GRIP2: variants seen among roughly 807,000 people sequenced by gnomAD.
GRIP2 encodes glutamate receptor interacting protein 2.
In GRIP2, 58 loss-of-function variants were observed where a neutral mutation model predicts 108.3. The observed-to-expected ratio is 0.54, with a 90% confidence interval of 0.43 to 0.67. The LOEUF (loss-of-function observed/expected upper bound fraction) is 0.67. Ranked by LOEUF, GRIP2 falls within the 30% of genes least tolerant of loss-of-function variation. The pLI is 0.00. For synonymous variants in GRIP2, 586 were observed against 598.2 expected, an observed-to-expected ratio of 0.98 and a Z score of 0.30; for missense variants, 1,278 against 1,430.6, an observed-to-expected ratio of 0.89 and a Z score of 1.72.
At chr3:14,602,907 C>G in the GRIP2 span, among the ~76,000 whole-genome samples, 2 of 150,588 alleles carry the variant, frequency 1.3e-5, no homozygotes, top group Non-Finnish European at 3.0e-5. The surrounding 1 kb of genome is among the most constrained non-coding windows in gnomAD (Gnocchi z 4.7). Context: ...GCTCACCGGC[C>G]GGGCAGCGGC....
At chr3:14,496,347 G>A in intron 22 of GRIP2, 70 bp downstream of exon 22, 1 of 1,367,546 alleles carries the variant, frequency 7.3e-7, no homozygotes, top group Admixed American at 2.4e-5. Context: ...GGCCCCTCTG[G>A]AGTCCCACGA....
At chr3:14,550,218 T>C (rs188791504) in intron 1 of GRIP2, among the ~76,000 whole-genome samples, 2 of 152,140 alleles carry the variant, frequency 1.3e-5, no homozygotes, top group Admixed American at 6.5e-5. Flanking sequence ...CAGCACCAAG[T>C]AGCAGAGCCA....
intron 21 of GRIP2, among the ~76,000 whole-genome samples, chr3:14,499,903 A>G (rs1044043365): frequency 2.6e-5 from 4 of 152,348 alleles, no homozygotes; most frequent in Admixed American, 6.5e-5. Flanking sequence ...TCGCAAACAA[A>G]AATCTCATAA....
intron 1 of GRIP2, among the ~76,000 whole-genome samples, chr3:14,535,322 T>G (rs546673058): frequency 3.3e-5 from 5 of 152,242 alleles, no homozygotes; most frequent in African/African-American, 9.6e-5. Flanking sequence ...ACAAGTCACT[T>G]CTCTCTGAGC....
chr3:14,571,809 G>T, the GRIP2 span, among the ~76,000 whole-genome samples: 1 of 152,128 alleles, frequency 6.6e-6, no homozygotes, highest in African/African-American at 2.4e-5. Flanking sequence ...AAGCTCACCA[G>T]GTGGTGTTGA....
At chr3:14,508,889 A>C (rs975563845) in intron 17 of GRIP2, among the ~76,000 whole-genome samples, 1 of 152,154 alleles carries the variant, frequency 6.6e-6, no homozygotes, top group Non-Finnish European at 1.5e-5. Context: ...TTGTGGCTCA[A>C]ATTATATTTC....
chr3:14,516,823 A>G (rs1183875225), intron 11 of GRIP2, among the ~76,000 whole-genome samples: 1 of 152,200 alleles, frequency 6.6e-6, no homozygotes, highest in Non-Finnish European at 1.5e-5. Context: ...TTTCATAATA[A>G]AAATACAAGA....
chr3:14,533,729 C>T lies in GRIP2; in HGVS notation c.40+6540G>A, dbSNP rs529199513. Reference sequence around the variant, plus strand: ...TTCAGATTTTGCTCCAGTGCACTACCGGGTGCTAAAGTGGGTTACAGTGAC... The same window carrying T: ...TTCAGATTTTGCTCCAGTGCACTACTGGGTGCTAAAGTGGGTTACAGTGAC... On this transcript the variant is annotated intron_variant, in intron 1 of 23. Transcript: ENST00000621039. Among the ~76,000 whole-genome samples the T allele has an allele frequency of 4.7e-4, 72 of 152,250 alleles. 2 individuals are homozygous for T. Among genetic ancestry groups the T allele is most frequent in the Non-Finnish European group, 1.9e-4 (13 of 68,004 alleles).
At chr3:14,601,015 C>T in the GRIP2 span, among the ~76,000 whole-genome samples, 2 of 152,038 alleles carry the variant, frequency 1.3e-5, no homozygotes, top group Non-Finnish European at 2.9e-5. Flanking sequence ...GCATCTCAAA[C>T]ATGCCACCCA....
rs1694456453 is a variant in GRIP2, at chr3:14,523,024, A to G, written c.542T>C (p.Val181Ala). The change falls in exon 6 of 24, where the codon GTG becomes GCG. Residue 181 changes from valine (V) to alanine (A), a missense_variant. Physicochemically the swap from Val to Ala is moderately conservative, Grantham distance 64 (BLOSUM62 0). Coordinates refer to ENST00000621039, the MANE Select transcript of GRIP2 (RefSeq NM_001080423.4). ...CCTGTCGGCAGGGCCACCGGGCCGCACGTAGGTCAGGACAAGCGGGCGGGA... is the reference window on the plus strand; with the variant it reads ...CCTGTCGGCAGGGCCACCGGGCCGCGCGTAGGTCAGGACAAGCGGGCGGGA... ...HKSRPLVLTY[V>A]RPGGPADREG... 1 of 1,613,726 alleles carries G rather than the reference A, an allele frequency of 6.2e-7. No homozygotes were observed. Among genetic ancestry groups the G allele is most frequent in the Non-Finnish European group, 8.5e-7 (1 of 1,179,784 alleles).
Position 14,506,793 on chromosome 3 carries a change from G to A in GRIP2, c.2398+8C>T. 6.3e-7 allele frequency: 1 copy of A among 1,582,854 alleles called. No homozygotes were observed. The highest frequency in any genetic ancestry group is 1.2e-5 in the South Asian group (1 of 86,660). ...CGTGCCACTTGTCCAAGGGCCCCAA[G>A]GTATTACCTGGGCCCCCAAAGCCAC... On this transcript the variant is annotated splice_region_variant and intron_variant, in intron 19 of 23. Coordinates refer to ENST00000621039, the MANE Select transcript of GRIP2 (RefSeq NM_001080423.4).
upstream of GRIP2, among the ~76,000 whole-genome samples, chr3:14,542,619 G>A (rs1694995890): frequency 6.6e-6 from 1 of 152,168 alleles, no homozygotes; most frequent in African/African-American, 2.4e-5. Flanking sequence ...CCAAGCTCCT[G>A]GAAAGGTCAT....
In GRIP2 at chr3:14,517,494, C is replaced by CTTTTTTTTTTTTTTTT. The variant is rs146509076; in HGVS notation, c.1156+262_1156+277dup. Among the ~76,000 whole-genome samples the CTTTTTTTTTTTTTTTT allele has an allele frequency of 5.6e-5, 6 of 107,754 alleles. 3 individuals are homozygous for CTTTTTTTTTTTTTTTT. The highest frequency in any genetic ancestry group is 7.2e-5 in the Non-Finnish European group (4 of 55,730). The allele number at this position is 107,754 out of a possible 152,430, so 70.7% of individuals were successfully genotyped here. ...GAGGCAGGCCACCTAATCTCTCTCT[C>CTTTTTTTTTTTTTTTT]TTTTTTTTTTTTTTTTTTTTTTTTT... On this transcript the variant is annotated intron_variant, in intron 10 of 23. Transcript: ENST00000621039.
the GRIP2 span, chr3:14,573,818 G>A: frequency 3.3e-6 from 5 of 1,534,264 alleles, no homozygotes; most frequent in Admixed American, 1.7e-5. Flanking sequence ...GCTCTGGGGC[G>A]CTGGAATGGA....
chr3:14,497,947 G>C (rs1693659207), intron 21 of GRIP2, among the ~76,000 whole-genome samples: 1 of 152,178 alleles, frequency 6.6e-6, no homozygotes. Context: ...ATCCAGAGAT[G>C]GAGGTGGGGG....
chr3:14,571,050 C>T, the GRIP2 span, among the ~76,000 whole-genome samples: 234 of 152,242 alleles, frequency 1.5e-3, 1 homozygote, highest in Middle Eastern at 0.017. Context: ...GTGGCACATA[C>T]CCTCTCCCCA....
intron 21 of GRIP2, among the ~76,000 whole-genome samples, chr3:14,502,287 G>A (rs1693787660): frequency 6.6e-6 from 1 of 152,150 alleles, no homozygotes; most frequent in African/African-American, 2.4e-5. Flanking sequence ...GAGGCCAGAA[G>A]TTCGAGACCA....
At chr3:14,585,976 A>G in the GRIP2 span, among the ~76,000 whole-genome samples, 8 of 152,114 alleles carry the variant, frequency 5.3e-5, no homozygotes, top group Non-Finnish European at 1.2e-4. Context: ...AATTCCTTCC[A>G]TTGGCCTGGC....
intron 21 of GRIP2, among the ~76,000 whole-genome samples, chr3:14,497,861 T>A (rs75145487): frequency 0.035 from 5,358 of 152,176 alleles, 161 homozygotes; most frequent in Middle Eastern, 0.071. Flanking sequence ...GCTGAGCAGT[T>A]GGAAATGCCG....
Sources: gnomAD v4.1 joint callset for allele counts (sites outside exome capture counted in the v4.1 genomes callset) on GRCh38, gnomAD v4.1.1 for gene constraint, Gnocchi (gnomAD v3.1) non-coding constraint, MANE v1.5 for transcripts, NCBI Gene and HGNC (gene_info 2026-07-23, HGNC 2026-07-21) for gene names.